ASNS: variants seen among roughly 807,000 people sequenced by gnomAD.
ASNS encodes the protein asparagine synthetase (glutamine-hydrolyzing).
ASNS carries 37 observed loss-of-function variants against 62.6 expected under a neutral mutation model. The observed-to-expected ratio is 0.59, with a 90% confidence interval of 0.45 to 0.78. The LOEUF (loss-of-function observed/expected upper bound fraction) is 0.78. Among genes scored for constraint, ASNS ranks in the 30% least tolerant of loss-of-function variants. The pLI is 0.00. For missense variants in ASNS, 520 were observed against 682.4 expected, an observed-to-expected ratio of 0.76 and a Z score of 2.65; for synonymous variants, 207 against 237.9, an observed-to-expected ratio of 0.87 and a Z score of 1.19.
chr7:97,862,618 C>G (rs1180758692), intron 4 of ASNS, among the ~76,000 whole-genome samples: 1 of 151,962 alleles, frequency 6.6e-6, no homozygotes, highest in African/African-American at 2.4e-5. Flanking sequence ...CTATGAACTT[C>G]AGTTAATATA....
At chr7:97,877,253 C>A (rs1584484527), upstream of ASNS, among the ~76,000 whole-genome samples, 1 of 151,896 alleles carries the variant, frequency 6.6e-6, no homozygotes, top group Non-Finnish European at 1.5e-5. Flanking sequence ...TGCCACCACG[C>A]CTGGCTAATT....
At chr7:97,884,286 C>G in the ASNS span, among the ~76,000 whole-genome samples, 1 of 152,304 alleles carries the variant, frequency 6.6e-6, no homozygotes. Context: ...CAGTGGCTCA[C>G]GCCTGTAATC....
rs750880787 is a variant in ASNS, at chr7:97,852,481, G to A, written c.1477-13C>T. The stretch of plus-strand genomic sequence containing the variant: ...TTGCATCATCAACCTGTAAGAATAA[G>A]CATATAAGAGCAAAATGGCTTAAAA... On this transcript the variant is annotated splice_polypyrimidine_tract_variant and intron_variant, in intron 12 of 12. Coordinates refer to ENST00000394308, the MANE Select transcript of ASNS (RefSeq NM_001673.5). The A allele has an allele frequency of 4.3e-6, 7 of 1,612,090 alleles. No homozygotes were observed. The South Asian group carries it at 7.7e-5, about 18-fold the overall frequency.
chr7:97,889,927 C>CAAAAAAAAAAAAAAAAAAAAAAAAA, the ASNS span, among the ~76,000 whole-genome samples: 30 of 38,564 alleles, frequency 7.8e-4, 1 homozygote, highest in Admixed American at 1.3e-3. Context: ...ATAATGAATA[C>CAAAAAAAAAAAAAAAAAAAAAAAAA]AAAAAAAAAA....
At chr7:97,854,940 C>A in intron 9 of ASNS, 1 of 487,296 alleles carries the variant, frequency 2.1e-6, no homozygotes, top group Non-Finnish European at 3.5e-6. Context: ...AAAGGGGATT[C>A]TCAAGCTTAA....
Position 97,864,304 on chromosome 7 carries a change from C to T in ASNS, c.442G>A (p.Ala148Thr). The change falls in exon 4 of 13, where the codon GCA (alanine) becomes ACA (threonine). Residue 148 changes from alanine (A) to threonine (T), a missense_variant. Ala to Thr is a moderately conservative substitution (Grantham distance 58). Coordinates refer to ENST00000394308, the MANE Select transcript of ASNS (RefSeq NM_001673.5). ...GCCAAAAATCCATCTTCTGTCATTGCTTTAAACAAAGGTCTGACTCCATAT... is the reference window on the plus strand; with the variant it reads ...GCCAAAAATCCATCTTCTGTCATTGTTTTAAACAAAGGTCTGACTCCATAT... Reference protein sequence around the residue: ...DTYGVRPLFKAMTEDGFLAVC... With the variant: ...DTYGVRPLFKTMTEDGFLAVC... 1 of 1,613,728 alleles carries T rather than the reference C, an allele frequency of 6.2e-7. No individual in the cohort carries two copies. Among genetic ancestry groups the T allele is most frequent in the Non-Finnish European group, 8.5e-7 (1 of 1,179,742 alleles).
At chr7:97,886,966 G>T in the ASNS span, among the ~76,000 whole-genome samples, 1 of 152,134 alleles carries the variant, frequency 6.6e-6, no homozygotes, top group Non-Finnish European at 1.5e-5. Flanking sequence ...TGAGTTCACA[G>T]GGCAAAGGAA....
At chr7:97,864,575 G>A (rs2115711718) in intron 3 of ASNS, 79 bp from the exon 4 acceptor site, 1 of 967,458 alleles carries the variant, frequency 1.0e-6, no homozygotes, top group East Asian at 2.4e-5. Flanking sequence ...AGATGCTTCA[G>A]TATTTCTGAG....
At chr7:97,857,723 T>A (rs548175125) in intron 7 of ASNS, among the ~76,000 whole-genome samples, 11 of 150,148 alleles carry the variant, frequency 7.3e-5, no homozygotes, top group Non-Finnish European at 1.2e-4. Context: ...AGCTCAGACC[T>A]CCCCCCACAG....
chr7:97,863,266 T>C (rs1362797686), intron 4 of ASNS: 3 of 152,226 alleles, frequency 2.0e-5, no homozygotes, highest in Non-Finnish European at 4.4e-5. Flanking sequence ...CAAAATGCAG[T>C]GTATCCATGT....
At chr7:97,896,227 C>G in the ASNS span, among the ~76,000 whole-genome samples, 2 of 151,776 alleles carry the variant, frequency 1.3e-5, no homozygotes, top group Admixed American at 6.6e-5. Flanking sequence ...ACAGAAGACC[C>G]CAAATAGCCA....
chr7:97,858,667 G>GTGTAAC (rs1272306000), intron 6 of ASNS, among the ~76,000 whole-genome samples, 187 bp downstream of exon 6: 2 of 152,176 alleles, frequency 1.3e-5, no homozygotes, highest in African/African-American at 4.8e-5. Context: ...CATAGCTATA[G>GTGTAAC]TGTAACTCAA....
At chr7:97,922,546 CA>C in the ASNS span, among the ~76,000 whole-genome samples, 3 of 151,892 alleles carry the variant, frequency 2.0e-5, no homozygotes, top group South Asian at 6.2e-4. Flanking sequence ...AACAACATAA[CA>C]TACACTTGGA....
chr7:97,858,579 T>C (rs1008699526), intron 6 of ASNS, among the ~76,000 whole-genome samples, 174 bp from the exon 7 acceptor site: 6 of 152,228 alleles, frequency 3.9e-5, no homozygotes, highest in South Asian at 2.1e-4. Flanking sequence ...ACTGTGATAA[T>C]AGTAGTATTT....
At chr7:97,912,387 A>G in the ASNS span, among the ~76,000 whole-genome samples, 1 of 151,814 alleles carries the variant, frequency 6.6e-6, no homozygotes, top group Non-Finnish European at 1.5e-5. Context: ...TTTTTTTACA[A>G]AGCAATCTTG....
chr7:97,857,551 G>T (rs538739546), intron 7 of ASNS, among the ~76,000 whole-genome samples: 2 of 146,472 alleles, frequency 1.4e-5, no homozygotes, highest in South Asian at 4.4e-4. Context: ...GTAGAGCCAG[G>T]ATTTCAAACC....
At chr7:97,926,658 C>G in the ASNS span, among the ~76,000 whole-genome samples, 2 of 152,102 alleles carry the variant, frequency 1.3e-5, no homozygotes, top group Admixed American at 1.3e-4. Context: ...TTCAAGGGGC[C>G]GCCAGACTGA....
intron 4 of ASNS, among the ~76,000 whole-genome samples, chr7:97,860,778 C>G (rs1344981173): frequency 6.6e-6 from 1 of 152,156 alleles, no homozygotes; most frequent in Non-Finnish European, 1.5e-5. Flanking sequence ...GCATGATTTG[C>G]AAGTATTTTC....
At chr7:97,879,498 G>A in the ASNS span, among the ~76,000 whole-genome samples, 11 of 152,204 alleles carry the variant, frequency 7.2e-5, no homozygotes, top group African/African-American at 2.7e-4. Flanking sequence ...GTCTTGCTAG[G>A]AGGCTATCTT....
Sources: gnomAD v4.1 joint callset for allele counts (sites outside exome capture counted in the v4.1 genomes callset) on GRCh38, gnomAD v4.1.1 for gene constraint, MANE v1.5 for transcripts, NCBI Gene and HGNC (gene_info 2026-07-23, HGNC 2026-07-21) for gene names.